Variants in MAMDC2 observed in about 807,000 individuals in gnomAD.
MAMDC2 encodes MAM domain containing 2, also known as MAM domain-containing protein 2.
MAMDC2 carries 57 observed loss-of-function variants against 89.8 expected under a neutral mutation model. The ratio of observed to expected loss-of-function variants is 0.63; its 90% CI spans 0.51 to 0.79. The LOEUF (loss-of-function observed/expected upper bound fraction) is 0.79, where lower values mean the gene tolerates loss of function less well. Ranked by LOEUF, MAMDC2 falls within the 30% of genes least tolerant of loss-of-function variation. MAMDC2 has a pLI of 0.00. For synonymous variants in MAMDC2, 313 were observed against 293.4 expected (o/e 1.07, Z -0.68); for missense variants, 800 against 820.6 (o/e 0.97, Z 0.31).
chr9:70,071,346 A>C (rs1336603823), intron 2 of MAMDC2, among the ~76,000 whole-genome samples: 1 of 152,174 alleles, frequency 6.6e-6, no homozygotes, highest in Non-Finnish European at 1.5e-5. Flanking sequence ...TTCAGAATTT[A>C]CTCTATTTTT....
intron 2 of MAMDC2, among the ~76,000 whole-genome samples, chr9:70,062,144 T>A (rs1827162780): frequency 6.6e-6 from 1 of 152,214 alleles, no homozygotes; most frequent in South Asian, 2.1e-4. Context: ...ATTTCTATGC[T>A]TGCTGTTTCA....
intron 9 of MAMDC2, among the ~76,000 whole-genome samples, chr9:70,151,921 G>A (rs2031594277): frequency 6.6e-6 from 1 of 152,074 alleles, no homozygotes; most frequent in African/African-American, 2.4e-5. Context: ...AAGCATGTCA[G>A]GTGTGTTCTT....
At chr9:70,185,618 A>G (rs544536005) in intron 11 of MAMDC2, among the ~76,000 whole-genome samples, 1 of 152,150 alleles carries the variant, frequency 6.6e-6, no homozygotes, top group South Asian at 2.1e-4. Flanking sequence ...TCTGGCCACA[A>G]CCGCTTTGCC....
intron 2 of MAMDC2, chr9:70,088,810 C>A (rs1827827372): frequency 6.6e-6 from 1 of 151,632 alleles, no homozygotes. Flanking sequence ...ATGGCAAAAC[C>A]CCAAAAGTGG....
chr9:70,130,964 T>A (rs952893059), intron 6 of MAMDC2, among the ~76,000 whole-genome samples: 3 of 152,200 alleles, frequency 2.0e-5, no homozygotes, highest in Non-Finnish European at 4.4e-5. Context: ...CTTTAGAGAC[T>A]CTGTCTTGGT....
intron 11 of MAMDC2, among the ~76,000 whole-genome samples, chr9:70,195,205 A>C (rs1376767460): frequency 6.6e-6 from 1 of 152,128 alleles, no homozygotes; most frequent in Admixed American, 6.6e-5. Flanking sequence ...CATTTGTAGA[A>C]CAAGTCATTC....
intron 7 of MAMDC2, among the ~76,000 whole-genome samples, chr9:70,136,536 C>G (rs1343699413): frequency 6.6e-6 from 1 of 152,138 alleles, no homozygotes; most frequent in Non-Finnish European, 1.5e-5. Context: ...CACCCCCTCC[C>G]ACACATCTAA....
At chr9:70,176,881 T>C (rs921989109) in intron 11 of MAMDC2, among the ~76,000 whole-genome samples, 1 of 152,200 alleles carries the variant, frequency 6.6e-6, no homozygotes, top group Non-Finnish European at 1.5e-5. Flanking sequence ...TTCCCCCTTA[T>C]CTGCAGGGCA....
chr9:70,170,737 T>G (rs4744587), intron 11 of MAMDC2, 106 bp downstream of exon 11: 1,011,040 of 1,079,302 alleles, frequency 0.94, 473,740 homozygotes, highest in East Asian at 0.98. Context: ...CTTGTGTCTA[T>G]AATGAAATGC....
intron 11 of MAMDC2, chr9:70,193,936 T>C (rs2118608777): frequency 6.6e-6 from 1 of 152,128 alleles, no homozygotes; most frequent in East Asian, 1.9e-4. Flanking sequence ...GTTTTACAGA[T>C]AGCTACATTA....
At chr9:70,204,239 G>A (rs2033168222) in intron 11 of MAMDC2, among the ~76,000 whole-genome samples, 1 of 148,992 alleles carries the variant, frequency 6.7e-6, no homozygotes, top group Non-Finnish European at 1.5e-5. Flanking sequence ...TTTTCGGTGT[G>A]GATGTCCTTT....
At chr9:70,221,471 T>C (rs913259754) in intron 12 of MAMDC2, among the ~76,000 whole-genome samples, 2 of 143,842 alleles carry the variant, frequency 1.4e-5, no homozygotes, top group Admixed American at 7.0e-5. Context: ...GAGAGTAGAA[T>C]GATGGTTACC....
intron 9 of MAMDC2, among the ~76,000 whole-genome samples, chr9:70,144,409 T>TGCAAGGGGAATGGAAAAGAAA (rs2031329487): frequency 2.0e-5 from 3 of 152,316 alleles, no homozygotes; most frequent in African/African-American, 7.2e-5. Flanking sequence ...AGATCTTTAT[T>TGCAAGGGGAATGGAAAAGAAA]GCAAGGGGAA....
chr9:70,170,799 A>C, intron 11 of MAMDC2, 168 bp downstream of exon 11: 4 of 576,920 alleles, frequency 6.9e-6, no homozygotes, highest in Non-Finnish European at 1.1e-5. Context: ...TGAATATCTC[A>C]TCCTTTCTGT....
At chr9:70,143,893 T>C (rs1241258917) in intron 9 of MAMDC2, 74 bp downstream of exon 9, 3 of 1,525,464 alleles carry the variant, frequency 2.0e-6, no homozygotes, top group Admixed American at 1.8e-5. Context: ...GTCTAGCTAC[T>C]GTCAACTGGT....
At position 70,148,726 on chromosome 9, in the gene MAMDC2, C is replaced by G. The variant is rs969232652; in HGVS notation, c.1404+4907C>G. ...CCTAGCCAACATGGTAATAGCCCGT[C>G]TCTACTTAAAAATATTTTAAAGGCC... On this transcript the variant is annotated intron_variant, in intron 9 of 13. Transcript: ENST00000377182. Among the ~76,000 whole-genome samples, 42 of 149,688 alleles carry G rather than the reference C, an allele frequency of 2.8e-4. 2 individuals are homozygous for G. Among genetic ancestry groups the G allele is most frequent in the African/African-American group, 1.0e-3 (41 of 40,408 alleles).
At chr9:70,182,000 A>G (rs925163611) in intron 11 of MAMDC2, among the ~76,000 whole-genome samples, 1 of 152,200 alleles carries the variant, frequency 6.6e-6, no homozygotes, top group Non-Finnish European at 1.5e-5. Context: ...TTTGTCATAA[A>G]TAGCTCTTAT....
intron 2 of MAMDC2, among the ~76,000 whole-genome samples, chr9:70,060,104 G>T (rs1827113476): frequency 6.6e-6 from 1 of 152,080 alleles, no homozygotes; most frequent in Non-Finnish European, 1.5e-5. Flanking sequence ...TTTTCTTGTG[G>T]ATTTAATTAT....
chr9:70,151,048 C>G (rs981372032), intron 9 of MAMDC2, among the ~76,000 whole-genome samples: 2 of 152,208 alleles, frequency 1.3e-5, no homozygotes, highest in Non-Finnish European at 2.9e-5. Context: ...TAGAGTCCCA[C>G]AGTCCACATA....
Sources: gnomAD v4.1 joint callset for allele counts (sites outside exome capture counted in the v4.1 genomes callset) on GRCh38, gnomAD v4.1.1 for gene constraint, MANE v1.5 for transcripts, NCBI Gene and HGNC (gene_info 2026-07-23, HGNC 2026-07-21) for gene names.